Variants in MANSC4 observed in about 807,000 individuals in gnomAD.
MANSC4 encodes the protein MANSC domain containing 4.
Under a neutral mutation model 11.4 loss-of-function variants are expected in MANSC4, and 11 were observed. The ratio of observed to expected loss-of-function variants is 0.97; its 90% CI spans 0.61 to 1.60. MANSC4 has a LOEUF of 1.60. Among genes scored for constraint, MANSC4 ranks in the 40% most tolerant of loss-of-function variants. MANSC4 has a pLI of 0.00. For missense variants in MANSC4, 354 were observed against 404.6 expected, an observed-to-expected ratio of 0.88 and a Z score of 1.07; for synonymous variants, 123 against 147.1, an observed-to-expected ratio of 0.84 and a Z score of 1.19.
rs1487111437 is a variant in MANSC4 at position 27,780,103 on chromosome 12, T to A, written c.-307+107A>T. The A allele has an allele frequency of 5.5e-6, 1 of 180,594 alleles. No individual in the cohort carries two copies. The highest frequency in any genetic ancestry group is 1.6e-4 in the East Asian group (1 of 6,274). 11.2% of individuals were successfully genotyped at this position (180,594 alleles called of 1,614,324 possible). A position where few individuals can be genotyped will look rare whatever the true frequency, so the allele number is the denominator to read the frequency against. ...GACGCCCGCCGCGCTCCGCCGGCCC[T>A]TTTTTGGCGCTGAGGGAAAGGAGAA... On this transcript the variant is annotated intron_variant, in intron 1 of 3. Coordinates refer to ENST00000381273, the MANE Select transcript of MANSC4 (RefSeq NM_001146221.5). The surrounding 1 kb of genome is among the most constrained non-coding windows in gnomAD (Gnocchi z 8.8).
chr12:27,775,141 G>A (rs2062114928), intron 1 of MANSC4, among the ~76,000 whole-genome samples: 2 of 152,148 alleles, frequency 1.3e-5, no homozygotes, highest in South Asian at 4.1e-4. Context: ...GGCCTGTCTG[G>A]GGATTTGGTT....
At chr12:27,768,792 G>A (rs2062086453) in intron 2 of MANSC4, among the ~76,000 whole-genome samples, 1 of 151,944 alleles carries the variant, frequency 6.6e-6, no homozygotes, top group African/African-American at 2.4e-5. Flanking sequence ...TACCATGCCT[G>A]GTTAATTTTT....
intron 1 of MANSC4, among the ~76,000 whole-genome samples, chr12:27,777,515 T>C (rs2062123607): frequency 6.6e-6 from 1 of 152,168 alleles, no homozygotes; most frequent in Non-Finnish European, 1.5e-5. Context: ...GATCACTCAC[T>C]CCACCTCCTG....
intron 3 of MANSC4, among the ~76,000 whole-genome samples, chr12:27,764,887 G>C (rs2062065437): frequency 6.6e-6 from 1 of 152,102 alleles, no homozygotes; most frequent in Non-Finnish European, 1.5e-5. Context: ...ACTCAGGCTG[G>C]AGTGTGATAG....
intron 2 of MANSC4, 52 bp downstream of exon 2, chr12:27,770,996 C>T: frequency 7.1e-7 from 1 of 1,402,988 alleles, no homozygotes. Context: ...CTTAGGGCTT[C>T]ATCCTTGGAA....
At chr12:27,777,158 C>T (rs2062122217) in intron 1 of MANSC4, among the ~76,000 whole-genome samples, 1 of 152,212 alleles carries the variant, frequency 6.6e-6, no homozygotes, top group Non-Finnish European at 1.5e-5. Context: ...TCATCTTACC[C>T]TGATAATGTT....
intron 1 of MANSC4, among the ~76,000 whole-genome samples, chr12:27,775,429 ATTAGCCGG>A (rs1403548641): frequency 6.6e-6 from 1 of 152,202 alleles, no homozygotes; most frequent in Non-Finnish European, 1.5e-5. Flanking sequence ...ATTTTAAAAA[ATTAGCCGG>A]TTGAGGTGGG....
intron 2 of MANSC4, among the ~76,000 whole-genome samples, 193 bp from the exon 3 acceptor site, chr12:27,766,992 T>C (rs1431665219): frequency 6.6e-6 from 1 of 152,060 alleles, no homozygotes; most frequent in Non-Finnish European, 1.5e-5. Flanking sequence ...CTTTTTTTTA[T>C]TTTTTGAGAC....
At position 27,762,892 on chromosome 12, in the gene MANSC4, G is replaced by A. The variant is rs1031480018; in HGVS notation, c.869C>T (p.Ala290Val). ...GAGAAAGATGACAGAGGTGCAAAGG[G>A]CCACAGAAACCAGCCAAGTCTTTGA... Reference protein sequence around the residue: ...VTSKTWLVSVALCTSVIFLGC... With the variant: ...VTSKTWLVSVVLCTSVIFLGC... The change falls in exon 4 of 4, where the codon GCC (alanine) becomes GTC (valine). Residue 290 changes from alanine (A) to valine (V), a missense_variant. Coordinates refer to ENST00000381273, the MANE Select transcript of MANSC4 (RefSeq NM_001146221.5). 1.9e-6 allele frequency: 3 copies of A among 1,552,116 alleles called. No homozygotes were observed. The highest frequency in any genetic ancestry group is 4.9e-5 in the East Asian group (2 of 40,920).
chr12:27,769,081 A>G (rs1289900332), intron 2 of MANSC4, among the ~76,000 whole-genome samples: 1 of 152,192 alleles, frequency 6.6e-6, no homozygotes, highest in Non-Finnish European at 1.5e-5. Context: ...CATTACTTCT[A>G]GGACATCCTC....
At chr12:27,775,584 G>A (rs1188647619) in intron 1 of MANSC4, among the ~76,000 whole-genome samples, 1 of 151,906 alleles carries the variant, frequency 6.6e-6, no homozygotes, top group Non-Finnish European at 1.5e-5. Context: ...AAATTTTTTT[G>A]TAGAGACAAG....
At chr12:27,764,064 T>C (rs1414539489) in intron 3 of MANSC4, among the ~76,000 whole-genome samples, 1 of 152,038 alleles carries the variant, frequency 6.6e-6, no homozygotes, top group Non-Finnish European at 1.5e-5. Flanking sequence ...TTAAGCAAAA[T>C]AGGGCCTGAG....
intron 3 of MANSC4, 125 bp from the exon 4 acceptor site, chr12:27,763,521 C>G (rs1219354847): frequency 1.3e-6 from 1 of 789,060 alleles, no homozygotes; most frequent in Non-Finnish European, 2.0e-6. Flanking sequence ...AATTCACGTT[C>G]TACTACCACA....
chr12:27,768,402 CAAAA>C (rs201953091), intron 2 of MANSC4, among the ~76,000 whole-genome samples: 52 of 109,678 alleles, frequency 4.7e-4, no homozygotes, highest in Non-Finnish European at 8.2e-4. Flanking sequence ...GACTCTGTCT[CAAAA>C]AAAAAAAAAA....
intron 2 of MANSC4, among the ~76,000 whole-genome samples, chr12:27,770,339 C>T (rs772930053): frequency 2.0e-5 from 3 of 152,150 alleles, no homozygotes; most frequent in Non-Finnish European, 2.9e-5. Flanking sequence ...TGCCACCACC[C>T]CTGGCTAATT....
chr12:27,775,161 C>T lies in MANSC4; in HGVS notation c.-306-3579G>A, dbSNP rs537914032. Among the ~76,000 whole-genome samples the T allele has an allele frequency of 3.3e-5, 5 of 152,298 alleles. No homozygotes were observed. The South Asian group carries it at 1.0e-3, about 32-fold the overall frequency. ...GTCTGGGGATTTGGTTATTATCTCT[C>T]TCCTGATTTTTTCAAAGATCAGATA... On this transcript the variant is annotated intron_variant, in intron 1 of 3. Coordinates refer to ENST00000381273, the MANE Select transcript of MANSC4 (RefSeq NM_001146221.5).
chr12:27,762,947 A>G lies in MANSC4; in HGVS notation c.814T>C (p.Ser272Pro). 1 of 1,551,912 alleles carries G rather than the reference A, an allele frequency of 6.4e-7. No homozygotes were observed. Among genetic ancestry groups the G allele is most frequent in the Non-Finnish European group, 8.7e-7 (1 of 1,147,056 alleles). Residue 272 changes from serine (S) to proline (P), a missense_variant, in exon 4 of 4, where the codon TCT becomes CCT. Coordinates refer to ENST00000381273, the MANE Select transcript of MANSC4 (RefSeq NM_001146221.5). ...ACAGATACCTCATCTTCATTTGCAG[A>G]TGTGTGGTTTCTGCTATTGTATCCT... ...TKGYNSRNHT[S>P]ANEDEVSVTS...
At chr12:27,766,137 G>A (rs1242247600) in intron 3 of MANSC4, among the ~76,000 whole-genome samples, 4 of 150,818 alleles carry the variant, frequency 2.7e-5, no homozygotes, top group African/African-American at 7.3e-5. Context: ...GCGTGATCTC[G>A]GCTCACTGCA....
Position 27,762,876 on chromosome 12 carries a change from G to T in MANSC4, c.885C>A (p.Val295=), listed in dbSNP as rs780903324. The T allele has an allele frequency of 6.4e-7, 1 of 1,552,152 alleles. No individual in the cohort carries two copies. The part of the protein sequence containing the change: ...WLVSVALCTS[V]IFLGCCIVIL... ...TGACTATACAACAGCCGAGAAAGAT[G>T]ACAGAGGTGCAAAGGGCCACAGAAA... The change falls in exon 4 of 4, where the codon GTC becomes GTA. Residue 295 remains valine (V), a synonymous_variant. Transcript: ENST00000381273.
Sources: gnomAD v4.1 joint callset for allele counts (sites outside exome capture counted in the v4.1 genomes callset) on GRCh38, gnomAD v4.1.1 for gene constraint, Gnocchi (gnomAD v3.1) non-coding constraint, MANE v1.5 for transcripts, NCBI Gene and HGNC (gene_info 2026-07-23, HGNC 2026-07-21) for gene names.